The following TEKT3 variants were observed in gnomAD, a reference collection of about 807,000 sequenced individuals.
TEKT3 encodes the protein tektin 3.
In TEKT3, 49 loss-of-function variants were observed where a neutral mutation model predicts 49.8. That is an observed-to-expected ratio of 0.98 (90% CI 0.78 to 1.25). The LOEUF is 1.25. TEKT3 is among the 50% of genes most tolerant of loss of function. The pLI, the probability that TEKT3 is intolerant of heterozygous loss-of-function variation, is 0.00. For missense variants in TEKT3, 595 were observed against 629.5 expected (o/e 0.95, Z 0.59); for synonymous variants, 225 against 237.2 (o/e 0.95, Z 0.47).
At position 15,308,703 on chromosome 17, in the gene TEKT3, C is replaced by T. The variant is rs571082787; in HGVS notation, c.1217G>A (p.Arg406Gln). Residue 406 changes from arginine to glutamine, a missense_variant, in exon 8 of 9, where the codon CGG becomes CAG. Coordinates refer to ENST00000395930, the MANE Select transcript of TEKT3 (RefSeq NM_031898.3). ...AQTRLDERTR[R>Q]PNIELCRDMA... ...GTCTCGGCACAACTCAATGTTCGGC[C>T]GTCTTGTGCGCTCATCCAGTCTGGT... 9.3e-6 allele frequency: 15 copies of T among 1,613,068 alleles called. No individual in the cohort carries two copies. The African/African-American group carries it at 1.6e-4, about 17-fold the overall frequency.
chr17:15,327,824 T>C (rs1448906340), intron 4 of TEKT3, 168 bp downstream of exon 4: 1 of 522,040 alleles, frequency 1.9e-6, no homozygotes, highest in East Asian at 2.9e-5. Flanking sequence ...TCTCATTGAA[T>C]ATATGTTATA....
intron 4 of TEKT3, among the ~76,000 whole-genome samples, chr17:15,320,750 T>C (rs1911217788): frequency 6.6e-6 from 1 of 152,144 alleles, no homozygotes; most frequent in South Asian, 2.1e-4. Flanking sequence ...AGCCTCACAG[T>C]AGGTTGTGCA....
In TEKT3 at chr17:15,304,154, T is replaced by G; in HGVS notation, c.1257-2A>C. The G allele has an allele frequency of 2.5e-6, 4 of 1,614,164 alleles. No individual in the cohort carries two copies. The highest frequency in any genetic ancestry group is 3.4e-6 in the Non-Finnish European group (4 of 1,180,028). ...ACCTCGTGTACCTCGTTAACAAGGCTGCAGCATAAAGGAATCAGCATGGTT... is the reference window on the plus strand; with the variant it reads ...ACCTCGTGTACCTCGTTAACAAGGCGGCAGCATAAAGGAATCAGCATGGTT... On this transcript the variant is annotated splice_acceptor_variant, in intron 8 of 8. Coordinates refer to ENST00000395930, the MANE Select transcript of TEKT3 (RefSeq NM_031898.3). LOFTEE classifies it high-confidence loss of function. This position sits in a 1 kb window ranked among gnomAD's most constrained non-coding sequence, Gnocchi z 4.7.
intron 2 of TEKT3, among the ~76,000 whole-genome samples, chr17:15,332,178 G>A (rs993279486): frequency 2.6e-5 from 4 of 152,124 alleles, no homozygotes; most frequent in Non-Finnish European, 5.9e-5. Context: ...GGGCTACAGA[G>A]AGACTCCGTC....
At chr17:15,323,702 G>A (rs1317408146) in intron 4 of TEKT3, among the ~76,000 whole-genome samples, 4 of 152,090 alleles carry the variant, frequency 2.6e-5, no homozygotes, top group Non-Finnish European at 1.5e-5. Context: ...TAAAACATAT[G>A]CCAATATCAA....
intron 8 of TEKT3, among the ~76,000 whole-genome samples, chr17:15,308,335 G>T (rs230894): frequency 0.5 from 76,049 of 151,832 alleles, 19,256 homozygotes; most frequent in East Asian, 0.58. Flanking sequence ...AGCACTTTTT[G>T]TGTGTGTAGC....
At chr17:15,307,188 G>A (rs896075333) in intron 8 of TEKT3, among the ~76,000 whole-genome samples, 1 of 152,218 alleles carries the variant, frequency 6.6e-6, no homozygotes, top group Admixed American at 6.5e-5. Context: ...TTCATCCTCT[G>A]TGTGAGAGGG....
chr17:15,303,990 G>A lies in TEKT3; in HGVS notation c.1419C>T (p.Cys473=). 6.2e-7 allele frequency: 1 copy of A among 1,614,150 alleles called. No homozygotes were observed. Among genetic ancestry groups the A allele is most frequent in the Non-Finnish European group, 8.5e-7 (1 of 1,180,038 alleles). ...ANSLYIDQEK[C]MSMRKSYPNT... is the part of the protein sequence containing the mutation. ...TGGGGTAGCTCTTGCGCATGCTCAT[G>A]CATTTTTCCTGGTCGATGTACAGGG... Residue 473 remains cysteine (C), a synonymous_variant, in exon 9 of 9, where the codon TGC becomes TGT. Coordinates refer to ENST00000395930, the MANE Select transcript of TEKT3 (RefSeq NM_031898.3).
intron 8 of TEKT3, chr17:15,306,956 G>A (rs1465672669): frequency 6.6e-6 from 1 of 152,206 alleles, no homozygotes; most frequent in African/African-American, 2.4e-5. Flanking sequence ...TGTGCATGAA[G>A]AGGGGTTCTA....
chr17:15,340,859 A>T (rs1912197261), intron 1 of TEKT3, among the ~76,000 whole-genome samples: 1 of 152,220 alleles, frequency 6.6e-6, no homozygotes, highest in Non-Finnish European at 1.5e-5. Context: ...CCTGTTAGTA[A>T]AACTGTATAT....
rs778612678 is a variant in TEKT3 at position 15,308,788 on chromosome 17, T to C, written c.1132A>G (p.Thr378Ala). ...TLQEIFQTEM[T>A]IESIKKAIKD... ...ATGGCCTTCTTGATGGATTCTATGG[T>C]CATTTCAGTCTGGAAAATCTCCTGC... is the stretch of plus-strand genomic sequence containing the variant. The change falls in exon 8 of 9, where the codon ACC (threonine) becomes GCC (alanine). Residue 378 changes from threonine to alanine, a missense_variant. Physicochemically the swap from Thr to Ala is moderately conservative, Grantham distance 58 (BLOSUM62 0). Transcript: ENST00000395930. The C allele has an allele frequency of 3.1e-6, 5 of 1,613,814 alleles. No individual in the cohort carries two copies. The East Asian group carries it at 1.1e-4, about 36-fold the overall frequency.
At chr17:15,330,413 G>C (rs1429916455) in intron 3 of TEKT3, among the ~76,000 whole-genome samples, 17 of 152,114 alleles carry the variant, frequency 1.1e-4, no homozygotes, top group Admixed American at 1.1e-3. Flanking sequence ...CTTCATGAAT[G>C]GTTTAGCACC....
intron 4 of TEKT3, among the ~76,000 whole-genome samples, chr17:15,319,395 C>T (rs1380892143): frequency 6.6e-6 from 1 of 151,954 alleles, no homozygotes; most frequent in Non-Finnish European, 1.5e-5. Flanking sequence ...CAAGTGGGGA[C>T]ATGGTTAAAA....
At position 15,331,554 on chromosome 17, in the gene TEKT3, G is replaced by C. The variant is rs536580852; in HGVS notation, c.32C>G (p.Thr11Ser). 6.2e-7 allele frequency: 1 copy of C among 1,613,520 alleles called. No homozygotes were observed. The highest frequency in any genetic ancestry group is 2.2e-5 in the East Asian group (1 of 44,838). Reference protein sequence around the residue: MERVGCTLTTTYAHPRPTPTN... With the variant: MERVGCTLTTSYAHPRPTPTN... ...TGGTGTTGGTCTAGGGTGGGCGTAAGTTGTCGTTAAAGTACAACCTACACG... is the reference window on the plus strand; with the variant it reads ...TGGTGTTGGTCTAGGGTGGGCGTAACTTGTCGTTAAAGTACAACCTACACG... The change falls in exon 3 of 9, where the codon ACT becomes AGT. Residue 11 changes from threonine (T) to serine (S), a missense_variant. By Grantham distance (58) the Thr-to-Ser change is moderately conservative. Coordinates refer to ENST00000395930, the MANE Select transcript of TEKT3 (RefSeq NM_031898.3).
At chr17:15,339,801 T>C (rs767843820) in intron 2 of TEKT3, among the ~76,000 whole-genome samples, 10 of 152,084 alleles carry the variant, frequency 6.6e-5, no homozygotes, top group Non-Finnish European at 1.2e-4. Context: ...GGAGCGGAAA[T>C]AAAACAGCGC....
At chr17:15,332,032 A>G (rs1009962192) in intron 2 of TEKT3, among the ~76,000 whole-genome samples, 118 of 151,356 alleles carry the variant, frequency 7.8e-4, no homozygotes, top group African/African-American at 2.7e-3. Flanking sequence ...TACAAAAATT[A>G]GCCAGCTGTT....
intron 3 of TEKT3, among the ~76,000 whole-genome samples, chr17:15,330,011 G>A (rs540212622): frequency 6.6e-6 from 1 of 152,252 alleles, no homozygotes; most frequent in South Asian, 2.1e-4. Flanking sequence ...GGTGACCTGA[G>A]CCCATTCAGA....
intron 8 of TEKT3, among the ~76,000 whole-genome samples, chr17:15,307,454 T>G (rs550080722): frequency 6.6e-6 from 1 of 152,204 alleles, no homozygotes; most frequent in Non-Finnish European, 1.5e-5. Flanking sequence ...ATGAATGAGA[T>G]AGTATAAAGT....
At chr17:15,325,742 T>C (rs529769430) in intron 4 of TEKT3, among the ~76,000 whole-genome samples, 80 of 152,334 alleles carry the variant, frequency 5.3e-4, no homozygotes, top group African/African-American at 1.6e-3. Flanking sequence ...AACTGCCTTG[T>C]AATTTATTTC....
Sources: allele counts gnomAD v4.1 joint callset (sites outside exome capture counted in the v4.1 genomes callset), GRCh38; gene constraint gnomAD v4.1.1; non-coding constraint Gnocchi (gnomAD v3.1); transcripts MANE v1.5; gene names NCBI Gene and HGNC (gene_info 2026-07-23, HGNC 2026-07-21).